Variants in RPGRIP1L observed in about 807,000 individuals in gnomAD.
RPGRIP1L encodes protein fantom.
In RPGRIP1L, 131 loss-of-function variants were observed where a neutral mutation model predicts 160.4. That is an observed-to-expected ratio of 0.82 (90% CI 0.71 to 0.94). The LOEUF is 0.94. Ranked by LOEUF, RPGRIP1L falls within the 40% of genes least tolerant of loss-of-function variation. The pLI is 0.00. For missense variants in RPGRIP1L, 1,522 were observed against 1,535.8 expected (o/e 0.99, Z 0.15); for synonymous variants, 510 against 515.8 (o/e 0.99, Z 0.15).
chr16:53,650,112 T>C (rs748629281), intron 15 of RPGRIP1L, among the ~76,000 whole-genome samples: 4 of 152,212 alleles, frequency 2.6e-5, no homozygotes, highest in Non-Finnish European at 4.4e-5. Context: ...CCAAGAATCA[T>C]GCTGAAATTT....
chr16:53,671,342 T>C (rs971349673), intron 9 of RPGRIP1L, among the ~76,000 whole-genome samples, 168 bp downstream of exon 9: 2 of 152,192 alleles, frequency 1.3e-5, no homozygotes, highest in African/African-American at 4.8e-5. Flanking sequence ...AAATAACTTA[T>C]TACAATGCCT....
At chr16:53,605,668 G>A (rs879473439) in intron 25 of RPGRIP1L, 54 bp from the exon 26 acceptor site, 17 of 1,589,848 alleles carry the variant, frequency 1.1e-5, no homozygotes, top group East Asian at 6.7e-5. Context: ...AAATCACCAC[G>A]AGACAAAACT....
At chr16:53,618,996 A>C (rs1347018911) in intron 24 of RPGRIP1L, 29 bp downstream of exon 24, 1 of 1,537,350 alleles carries the variant, frequency 6.5e-7, no homozygotes, top group South Asian at 1.1e-5. Flanking sequence ...CAAACATAAA[A>C]GTCTATATTA....
chr16:53,664,325 G>C (rs571149638), intron 10 of RPGRIP1L, among the ~76,000 whole-genome samples: 1 of 152,248 alleles, frequency 6.6e-6, no homozygotes, highest in Admixed American at 6.5e-5. Context: ...AGTAGAATTA[G>C]ACATCTCATC....
chr16:53,675,849 A>T (rs1213872785), intron 6 of RPGRIP1L, among the ~76,000 whole-genome samples: 1 of 152,186 alleles, frequency 6.6e-6, no homozygotes, highest in Non-Finnish European at 1.5e-5. Context: ...GTTAAAGGTT[A>T]ATCATAGATC....
chr16:53,606,545 G>C (rs1348124000), intron 25 of RPGRIP1L, among the ~76,000 whole-genome samples: 1 of 152,170 alleles, frequency 6.6e-6, no homozygotes, highest in African/African-American at 2.4e-5. Flanking sequence ...CCAACTTGCT[G>C]AAAGTAAGTA....
chr16:53,691,642 G>GC (rs1399180193), intron 4 of RPGRIP1L, among the ~76,000 whole-genome samples: 1 of 152,140 alleles, frequency 6.6e-6, no homozygotes, highest in African/African-American at 2.4e-5. Context: ...TCATGCTACC[G>GC]CCATCCAATG....
chr16:53,639,905 C>G (rs1265329836), intron 19 of RPGRIP1L, among the ~76,000 whole-genome samples: 1 of 152,058 alleles, frequency 6.6e-6, no homozygotes, highest in Non-Finnish European at 1.5e-5. Flanking sequence ...TCTGGAGAGA[C>G]AGAATATTTT....
At chr16:53,631,016 A>G (rs1965482641) in intron 22 of RPGRIP1L, among the ~76,000 whole-genome samples, 1 of 152,180 alleles carries the variant, frequency 6.6e-6, no homozygotes, top group Non-Finnish European at 1.5e-5. Flanking sequence ...TACAGGTGTG[A>G]GCCACCGCAC....
At chr16:53,615,257 T>C (rs1964290916) in intron 24 of RPGRIP1L, among the ~76,000 whole-genome samples, 1 of 152,010 alleles carries the variant, frequency 6.6e-6, no homozygotes, top group South Asian at 2.1e-4. Flanking sequence ...TCAATTCCAC[T>C]GTAGGCTTTA....
chr16:53,647,128 C>T (rs1190659172), intron 16 of RPGRIP1L, among the ~76,000 whole-genome samples: 1 of 152,184 alleles, frequency 6.6e-6, no homozygotes, highest in Non-Finnish European at 1.5e-5. Context: ...TAACTCCCAT[C>T]CCCATAACAG....
chr16:53,649,319 A>C (rs1966792173), intron 15 of RPGRIP1L, among the ~76,000 whole-genome samples: 1 of 152,180 alleles, frequency 6.6e-6, no homozygotes, highest in Admixed American at 6.5e-5. Context: ...TTGTATATTA[A>C]ATATTATTAA....
At position 53,671,556 on chromosome 16, in the gene RPGRIP1L, T is replaced by C. The variant is rs1968730449; in HGVS notation, c.1057A>G (p.Lys353Glu). ...ELQDRINDLEKERELLKENYD... is the reference protein window; with the variant it reads ...ELQDRINDLEEERELLKENYD... ...TTTTCCTTTAAAAGTTCCCGTTCCTTTTCTAAATCATTAATTCTATCCTGC... is the reference window on the plus strand; with the variant it reads ...TTTTCCTTTAAAAGTTCCCGTTCCTCTTCTAAATCATTAATTCTATCCTGC... The change falls in exon 9 of 27, where the codon AAG becomes GAG. Residue 353 changes from lysine to glutamate, a missense_variant. By Grantham distance (56) the Lys-to-Glu change is moderately conservative. Transcript: ENST00000647211. 5 of 1,570,524 alleles carry C rather than the reference T, an allele frequency of 3.2e-6. No homozygotes were observed. In the East Asian group the frequency reaches 6.8e-5, roughly 21 times the overall value.
chr16:53,635,183 A>G (rs1367525066), intron 22 of RPGRIP1L, among the ~76,000 whole-genome samples: 1 of 152,202 alleles, frequency 6.6e-6, no homozygotes, highest in Non-Finnish European at 1.5e-5. Flanking sequence ...TCTTTGTTAA[A>G]TTAAAGTTTA....
intron 25 of RPGRIP1L, among the ~76,000 whole-genome samples, chr16:53,607,094 C>G (rs1395054378): frequency 1.3e-5 from 2 of 152,026 alleles, no homozygotes; most frequent in East Asian, 3.9e-4. Context: ...ATTCTGGGCT[C>G]AAATTCCTGC....
intron 9 of RPGRIP1L, among the ~76,000 whole-genome samples, chr16:53,668,470 A>C (rs995454258): frequency 6.6e-6 from 1 of 152,200 alleles, no homozygotes; most frequent in Non-Finnish European, 1.5e-5. Context: ...CACATTCAAC[A>C]GATTTTTTTG....
chr16:53,674,649 G>A (rs1242853301), intron 7 of RPGRIP1L, among the ~76,000 whole-genome samples: 1 of 152,102 alleles, frequency 6.6e-6, no homozygotes, highest in Non-Finnish European at 1.5e-5. Flanking sequence ...TTTTATAAAT[G>A]CTTAAAATTG....
intron 25 of RPGRIP1L, among the ~76,000 whole-genome samples, chr16:53,608,746 C>G (rs1434061871): frequency 6.6e-6 from 1 of 152,184 alleles, no homozygotes; most frequent in Non-Finnish European, 1.5e-5. Context: ...AAACTAGGAG[C>G]TACTTTAAAT....
At chr16:53,671,266 T>C (rs1010501066) in intron 9 of RPGRIP1L, among the ~76,000 whole-genome samples, 1 of 152,168 alleles carries the variant, frequency 6.6e-6, no homozygotes, top group Admixed American at 6.5e-5. Context: ...GTTCAATAAA[T>C]GATAGCAGTT....
Sources: allele counts gnomAD v4.1 joint callset (sites outside exome capture counted in the v4.1 genomes callset), GRCh38; gene constraint gnomAD v4.1.1; transcripts MANE v1.5; gene names NCBI Gene and HGNC (gene_info 2026-07-23, HGNC 2026-07-21).